Variants in STOX2 observed in about 807,000 individuals in gnomAD.
The protein encoded by STOX2 is storkhead-box protein 2.
STOX2 carries 28 observed loss-of-function variants against 60.9 expected under a neutral mutation model. The observed-to-expected ratio is 0.46, with a 90% CI of 0.34 to 0.63. The LOEUF (loss-of-function observed/expected upper bound fraction) is 0.63. Among genes scored for constraint, STOX2 ranks in the 30% least tolerant of loss-of-function variants. The probability of loss-of-function intolerance (pLI) is 0.01; values close to 1 mark genes in which losing one functional copy is unlikely to be tolerated. For missense variants in STOX2, 1,024 were observed against 1,187.7 expected, an observed-to-expected ratio of 0.86 and a Z score of 2.03; for synonymous variants, 472 against 463.9, an observed-to-expected ratio of 1.02 and a Z score of -0.22.
chr4:183,966,030 G>A (rs1279588921), intron 1 of STOX2, among the ~76,000 whole-genome samples: 3 of 151,040 alleles, frequency 2.0e-5, no homozygotes, highest in Non-Finnish European at 4.4e-5. Context: ...GGGTATCTAG[G>A]TGGAATCATC....
chr4:183,859,167 G>A (rs1452947193), intron 1 of STOX2, among the ~76,000 whole-genome samples: 2 of 152,136 alleles, frequency 1.3e-5, no homozygotes, highest in African/African-American at 4.8e-5. Context: ...GGGATCCCAC[G>A]GTGCCTTGCT....
chr4:183,968,206 A>G lies in STOX2; in HGVS notation c.167-33119A>G, dbSNP rs528962871. Among the ~76,000 whole-genome samples, 9 of 152,294 alleles carry G rather than the reference A, an allele frequency of 5.9e-5. No individual in the cohort carries two copies. The South Asian group carries it at 1.9e-3, about 32-fold the overall frequency. On this transcript the variant is annotated intron_variant, in intron 1 of 3. Transcript: ENST00000308497. ...GACTTCACGTTCAAAGAACACTTCAATAAAATTTGTGTGGATCACCATAGG... is the reference window on the plus strand; with the variant it reads ...GACTTCACGTTCAAAGAACACTTCAGTAAAATTTGTGTGGATCACCATAGG...
chr4:183,828,245 T>C (rs1739480019), intron 1 of STOX2, among the ~76,000 whole-genome samples: 1 of 152,146 alleles, frequency 6.6e-6, no homozygotes, highest in Non-Finnish European at 1.5e-5. Flanking sequence ...CAGGGTGGAC[T>C]CGGAAACTGG....
chr4:183,983,795 T>C (rs1048093457), intron 1 of STOX2, among the ~76,000 whole-genome samples: 4 of 152,192 alleles, frequency 2.6e-5, no homozygotes, highest in Non-Finnish European at 5.9e-5. Context: ...TTTAATTGAT[T>C]AATTTTTAGA....
chr4:183,964,554 G>T (rs1179966014), intron 1 of STOX2, among the ~76,000 whole-genome samples: 2 of 152,180 alleles, frequency 1.3e-5, no homozygotes, highest in African/African-American at 4.8e-5. Context: ...CCAGAGCTAA[G>T]TATAAAACAG....
At chr4:183,923,851 T>C (rs1226917846) in intron 1 of STOX2, among the ~76,000 whole-genome samples, 2 of 152,132 alleles carry the variant, frequency 1.3e-5, no homozygotes, top group African/African-American at 4.8e-5. Context: ...AGGGTCAGCA[T>C]TGAGTTGACT....
intron 1 of STOX2, among the ~76,000 whole-genome samples, chr4:183,851,288 T>G (rs1740126681): frequency 7.9e-5 from 5 of 63,290 alleles, no homozygotes; most frequent in East Asian, 3.8e-4. Context: ...AGGGAAAGGA[T>G]GAGAGAAAGG....
At chr4:183,902,725 T>G (rs1741489498), upstream of STOX2, among the ~76,000 whole-genome samples, 1 of 152,242 alleles carries the variant, frequency 6.6e-6, no homozygotes, top group South Asian at 2.1e-4. Context: ...ATACGCTGTT[T>G]GCTAGATTTA....
At chr4:183,816,333 A>G (rs1035409991) in intron 1 of STOX2, among the ~76,000 whole-genome samples, 4 of 152,248 alleles carry the variant, frequency 2.6e-5, no homozygotes, top group African/African-American at 9.6e-5. Context: ...CAAGAATGAA[A>G]TCATGTCCTT....
At chr4:183,947,733 ATCT>A (rs1054682288) in intron 1 of STOX2, among the ~76,000 whole-genome samples, 3 of 152,024 alleles carry the variant, frequency 2.0e-5, no homozygotes, top group African/African-American at 7.2e-5. Flanking sequence ...CTTCCTTGTC[ATCT>A]TCTCTGTTGT....
intron 1 of STOX2, among the ~76,000 whole-genome samples, chr4:183,885,284 T>TTGGC (rs1741055078): frequency 6.6e-6 from 1 of 152,182 alleles, no homozygotes; most frequent in Non-Finnish European, 1.5e-5. Context: ...GCCATTGGCT[T>TTGGC]TGGCTGGTCC....
chr4:183,879,418 C>T (rs1281203512), intron 1 of STOX2, among the ~76,000 whole-genome samples: 1 of 152,222 alleles, frequency 6.6e-6, no homozygotes, highest in African/African-American at 2.4e-5. Context: ...CCACAGAGCT[C>T]CGGCAATGAA....
At chr4:183,911,570 T>A (rs1741783081) in intron 1 of STOX2, among the ~76,000 whole-genome samples, 2 of 152,226 alleles carry the variant, frequency 1.3e-5, no homozygotes, top group Non-Finnish European at 1.5e-5. Context: ...AGGTCACCTC[T>A]CTTGATATTT....
chr4:183,924,124 G>A (rs562782954), intron 1 of STOX2, among the ~76,000 whole-genome samples: 1 of 152,310 alleles, frequency 6.6e-6, no homozygotes, highest in South Asian at 2.1e-4. Flanking sequence ...GCCTGTCCAG[G>A]ACAGCAGCCT....
intron 1 of STOX2, among the ~76,000 whole-genome samples, chr4:183,915,998 A>T (rs1211735362): frequency 6.6e-6 from 1 of 152,220 alleles, no homozygotes; most frequent in African/African-American, 2.4e-5. Context: ...AAGATGCTGA[A>T]ATTGCTGTGT....
intron 1 of STOX2, among the ~76,000 whole-genome samples, chr4:183,950,177 A>C (rs1410355700): frequency 2.0e-5 from 3 of 152,230 alleles, no homozygotes; most frequent in Non-Finnish European, 4.4e-5. Flanking sequence ...CTCTTGGTAG[A>C]TTAAGACACT....
intron 1 of STOX2, among the ~76,000 whole-genome samples, chr4:183,890,482 C>CAA (rs1180769489): frequency 0.015 from 701 of 47,864 alleles, 8 homozygotes; most frequent in African/African-American, 0.044. Context: ...GACTCCGTCT[C>CAA]AAAAAAAAAA....
chr4:183,984,157 A>G (rs375398254), intron 1 of STOX2, among the ~76,000 whole-genome samples: 17 of 152,238 alleles, frequency 1.1e-4, no homozygotes, highest in African/African-American at 3.6e-4. Context: ...ACTTTCAGGG[A>G]TATACCTGTA....
chr4:183,985,062 C>T (rs904854020), intron 1 of STOX2, among the ~76,000 whole-genome samples: 3 of 152,138 alleles, frequency 2.0e-5, no homozygotes, highest in Non-Finnish European at 4.4e-5. Flanking sequence ...ATATTCTTTT[C>T]CATGGTCCTT....
Sources: allele counts gnomAD v4.1 joint callset (sites outside exome capture counted in the v4.1 genomes callset), GRCh38; gene constraint gnomAD v4.1.1; transcripts MANE v1.5; gene names NCBI Gene and HGNC (gene_info 2026-07-23, HGNC 2026-07-21).